The following XPOT variants were observed in gnomAD, a reference collection of about 807,000 sequenced individuals.
The protein encoded by XPOT is exportin for tRNA, also known as exportin-T.
In XPOT, 34 loss-of-function variants were observed where a neutral mutation model predicts 128.2. That is an observed-to-expected ratio of 0.27 (90% CI 0.20 to 0.35). XPOT has a LOEUF of 0.35. XPOT is among the 10% of genes least tolerant of loss of function. XPOT has a pLI of 1.00. For synonymous variants in XPOT, 348 were observed against 394.3 expected, an observed-to-expected ratio of 0.88 and a Z score of 1.39; for missense variants, 838 against 1,125.3, an observed-to-expected ratio of 0.74 and a Z score of 3.65.
chr12:64,416,659 C>A (rs530471661), intron 3 of XPOT, 39 bp from the exon 4 acceptor site: 3 of 1,548,740 alleles, frequency 1.9e-6, no homozygotes, highest in South Asian at 2.2e-5. Context: ...TTCCTCAGTT[C>A]ATATTCTGCT....
rs1238458630 is a variant in XPOT, at chr12:64,450,251, T to C, written c.*2120T>C. 2.0e-5 allele frequency: 3 copies of C among 151,898 alleles called. No individual in the cohort carries two copies. The highest frequency in any genetic ancestry group is 7.3e-5 in the African/African-American group (3 of 41,352). 9.4% of individuals were successfully genotyped at this position (151,898 alleles called of 1,614,324 possible). ...GCTCACTGTAACTTCTCCCATACTC[T>C]ACCAATCCTCCTGCCTCAGCATCCA... On this transcript the variant is annotated 3_prime_UTR_variant, in exon 25 of 25. Transcript: ENST00000332707.
intron 16 of XPOT, among the ~76,000 whole-genome samples, chr12:64,428,332 G>A (rs2040210174): frequency 6.6e-6 from 1 of 151,958 alleles, no homozygotes; most frequent in African/African-American, 2.4e-5. Context: ...TGGCAGCATG[G>A]GGTATATTGT....
rs570636598 is a variant in XPOT at position 64,424,946 on chromosome 12, T to A, written c.1308-92T>A. 8.7e-6 allele frequency: 13 copies of A among 1,493,552 alleles called. No homozygotes were observed. In the South Asian group the frequency reaches 1.6e-4, roughly 18 times the overall value. The allele number at this position is 1,493,552 out of a possible 1,614,324, so 92.5% of individuals were successfully genotyped here. On this transcript the variant is annotated intron_variant, in intron 12 of 24. Coordinates refer to ENST00000332707, the MANE Select transcript of XPOT (RefSeq NM_007235.6). Reference sequence around the variant, plus strand: ...ACAGTTGCTATGACTTTTTAATAATTAAAAAGGCTTTTGTTGGTGTCTTAC... The same window carrying A: ...ACAGTTGCTATGACTTTTTAATAATAAAAAAGGCTTTTGTTGGTGTCTTAC...
At chr12:64,445,160 C>A in intron 24 of XPOT, 29 bp downstream of exon 24, 1 of 1,538,884 alleles carries the variant, frequency 6.5e-7, no homozygotes, top group Non-Finnish European at 8.9e-7. Flanking sequence ...CACGTATCTT[C>A]ATACAATTAG....
At chr12:64,437,060 A>G (rs1334220848) in intron 22 of XPOT, among the ~76,000 whole-genome samples, 1 of 152,134 alleles carries the variant, frequency 6.6e-6, no homozygotes, top group Non-Finnish European at 1.5e-5. Context: ...AAAGAACATG[A>G]GCTTTTGCTC....
intron 13 of XPOT, 43 bp downstream of exon 13, chr12:64,425,225 C>A: frequency 6.2e-7 from 1 of 1,612,556 alleles, no homozygotes; most frequent in South Asian, 1.1e-5. Flanking sequence ...TTTCTGTTTT[C>A]AGTATAAGCT....
chr12:64,447,984 A>G lies in XPOT; in HGVS notation c.2863-121A>G, dbSNP rs1481824061. On this transcript the variant is annotated intron_variant, in intron 24 of 24. Transcript: ENST00000332707. ...TGGATTACATACGGATATATAAGGCATGCGAAATGTTCTAATGTTACAGAA... is the reference window on the plus strand; with the variant it reads ...TGGATTACATACGGATATATAAGGCGTGCGAAATGTTCTAATGTTACAGAA... 3 of 882,562 alleles carry G rather than the reference A, an allele frequency of 3.4e-6. No individual in the cohort carries two copies. The East Asian group carries it at 7.3e-5, about 22-fold the overall frequency. 54.7% of individuals were successfully genotyped at this position (882,562 alleles called of 1,614,324 possible).
At chr12:64,432,175 C>T (rs1380372353) in intron 18 of XPOT, among the ~76,000 whole-genome samples, 1 of 152,066 alleles carries the variant, frequency 6.6e-6, no homozygotes, top group East Asian at 1.9e-4. Flanking sequence ...GTATTAAAGT[C>T]AGTTTTCTGT....
chr12:64,444,474 G>T (rs2040352390), intron 23 of XPOT, among the ~76,000 whole-genome samples: 1 of 152,192 alleles, frequency 6.6e-6, no homozygotes, highest in South Asian at 2.1e-4. Flanking sequence ...TATTAAGCCT[G>T]ATTTATAAAA....
chr12:64,437,217 C>T (rs2040290143), intron 22 of XPOT, among the ~76,000 whole-genome samples: 4 of 152,116 alleles, frequency 2.6e-5, no homozygotes, highest in Admixed American at 2.6e-4. Flanking sequence ...AGCAGGGGAA[C>T]TGTATAAAGG....
intron 6 of XPOT, among the ~76,000 whole-genome samples, chr12:64,419,604 C>T (rs1185900329): frequency 2.6e-5 from 4 of 152,216 alleles, no homozygotes; most frequent in Non-Finnish European, 4.4e-5. Context: ...CCACTGCGCC[C>T]AGCCTAAATT....
chr12:64,427,068 T>C (rs1484976618), intron 15 of XPOT, among the ~76,000 whole-genome samples: 1 of 147,746 alleles, frequency 6.8e-6, no homozygotes, highest in Non-Finnish European at 1.5e-5. Context: ...TGGTTCTTCC[T>C]GTTCAAGTCA....
At position 64,442,608 on chromosome 12, in the gene XPOT, C is replaced by A. The variant is rs1006738565; in HGVS notation, c.2806-2467C>A. On this transcript the variant is annotated intron_variant, in intron 23 of 24. Coordinates refer to ENST00000332707, the MANE Select transcript of XPOT (RefSeq NM_007235.6). ...TGCCCTTTAACTTCACAGGTAGATTCCCATCAGAACTACTTTGAAGGCCAA... is the reference window on the plus strand; with the variant it reads ...TGCCCTTTAACTTCACAGGTAGATTACCATCAGAACTACTTTGAAGGCCAA... The A allele has an allele frequency of 2.0e-5, 3 of 152,360 alleles. 1 individual carries two copies. The highest frequency in any genetic ancestry group is 7.2e-5 in the African/African-American group (3 of 41,472). 9.4% of individuals were successfully genotyped at this position (152,360 alleles called of 1,614,324 possible).
intron 23 of XPOT, among the ~76,000 whole-genome samples, chr12:64,441,288 TA>T: frequency 6.6e-6 from 1 of 152,308 alleles, no homozygotes; most frequent in East Asian, 1.9e-4. Context: ...ATGTCTGTCT[TA>T]AAAGAGAGAG....
chr12:64,440,428 C>A (rs1327446798), intron 23 of XPOT, among the ~76,000 whole-genome samples: 1 of 152,148 alleles, frequency 6.6e-6, no homozygotes, highest in Non-Finnish European at 1.5e-5. Flanking sequence ...CATGGGAATG[C>A]TAATATGTCT....
At chr12:64,435,917 T>G (rs1475912534) in intron 22 of XPOT, among the ~76,000 whole-genome samples, 1 of 152,176 alleles carries the variant, frequency 6.6e-6, no homozygotes, top group African/African-American at 2.4e-5. Flanking sequence ...TTCATGATCT[T>G]GTAGGCTTCT....
At chr12:64,428,710 A>C (rs2040213059) in intron 16 of XPOT, among the ~76,000 whole-genome samples, 1 of 152,240 alleles carries the variant, frequency 6.6e-6, no homozygotes, top group Non-Finnish European at 1.5e-5. Context: ...GTAATTTTAA[A>C]AAATTATTTG....
At chr12:64,406,627 C>T (rs924670380) in intron 1 of XPOT, among the ~76,000 whole-genome samples, 1 of 152,154 alleles carries the variant, frequency 6.6e-6, no homozygotes, top group African/African-American at 2.4e-5. Context: ...CCCCTCCCCT[C>T]GGCCTTCCTT....
In XPOT at chr12:64,425,113, A is replaced by G. The variant is rs1476094071; in HGVS notation, c.1383A>G (p.Pro461=). ...TGTATATGTTGGCAGAAGCTCTTCC[A>G]GTATCTCATGGTGCTCACTTCTCAG... ...RLLYMLAEAL[P]VSHGAHFSGD... Residue 461 remains proline, a synonymous_variant, in exon 13 of 25, where the codon CCA becomes CCG. Transcript: ENST00000332707. 2 of 1,614,006 alleles carry G rather than the reference A, an allele frequency of 1.2e-6. No individual in the cohort carries two copies. The highest frequency in any genetic ancestry group is 1.7e-5 in the Admixed American group (1 of 60,016).
Sources: allele counts gnomAD v4.1 joint callset (sites outside exome capture counted in the v4.1 genomes callset), GRCh38; gene constraint gnomAD v4.1.1; transcripts MANE v1.5; gene names NCBI Gene and HGNC (gene_info 2026-07-23, HGNC 2026-07-21).